The following RORA variants were observed in gnomAD, a reference collection of about 807,000 sequenced individuals.
The protein encoded by RORA is nuclear receptor ROR-alpha.
A neutral mutation model predicts 69.5 loss-of-function variants in RORA; 7 were observed. The ratio of observed to expected loss-of-function variants is 0.10; its 90% CI spans 0.06 to 0.19. The LOEUF (loss-of-function observed/expected upper bound fraction) is 0.19. Ranked by LOEUF, RORA falls within the 10% of genes least tolerant of loss-of-function variation. The pLI is 1.00. For missense variants in RORA, 457 were observed against 663.0 expected, an observed-to-expected ratio of 0.69 and a Z score of 3.41; for synonymous variants, 261 against 240.8, an observed-to-expected ratio of 1.08 and a Z score of -0.78.
At chr15:60,616,143 A>T (rs1346460656) in intron 2 of RORA, among the ~76,000 whole-genome samples, 1 of 152,246 alleles carries the variant, frequency 6.6e-6, no homozygotes, top group Non-Finnish European at 1.5e-5. Context: ...TAATGTATGC[A>T]TGCACAAACT....
chr15:61,177,855 G>T (rs1223500540), intron 1 of RORA, among the ~76,000 whole-genome samples: 1 of 151,746 alleles, frequency 6.6e-6, no homozygotes. Flanking sequence ...TCAGCTGCTC[G>T]GGAGGCTGAG....
At chr15:61,087,791 C>A (rs1046035818) in intron 1 of RORA, among the ~76,000 whole-genome samples, 1 of 152,214 alleles carries the variant, frequency 6.6e-6, no homozygotes, top group Admixed American at 6.5e-5. Context: ...TCTGCCATAA[C>A]CCTGTGGGAA....
At chr15:60,993,814 C>G (rs1698597734) in intron 1 of RORA, among the ~76,000 whole-genome samples, 1 of 152,070 alleles carries the variant, frequency 6.6e-6, no homozygotes. Flanking sequence ...TTCTTAGACA[C>G]CCACAAACAG....
intron 2 of RORA, among the ~76,000 whole-genome samples, chr15:60,560,477 T>G (rs1319107893): frequency 2.6e-5 from 4 of 152,078 alleles, no homozygotes; most frequent in African/African-American, 9.7e-5. Context: ...GAGGATCACT[T>G]GAGCTCAGGA....
intron 1 of RORA, among the ~76,000 whole-genome samples, chr15:60,793,107 C>G (rs1200546008): frequency 6.6e-6 from 1 of 151,872 alleles, no homozygotes. Context: ...AAAAAGTTAA[C>G]TTCTTGGTGT....
intron 1 of RORA, among the ~76,000 whole-genome samples, chr15:60,850,189 T>A (rs1284061139): frequency 6.6e-6 from 1 of 152,114 alleles, no homozygotes; most frequent in Non-Finnish European, 1.5e-5. Context: ...TCATTCTGCC[T>A]CTCACATGTT....
At chr15:60,555,379 C>T (rs111270725) in intron 2 of RORA, among the ~76,000 whole-genome samples, 31 of 152,238 alleles carry the variant, frequency 2.0e-4, no homozygotes, top group African/African-American at 7.5e-4. Flanking sequence ...GCACTCTCGA[C>T]ATATATTGGT....
chr15:61,121,086 G>GC (rs2079099388), intron 1 of RORA, among the ~76,000 whole-genome samples: 1 of 151,848 alleles, frequency 6.6e-6, no homozygotes, highest in East Asian at 2.0e-4. Flanking sequence ...CTGACCTCAG[G>GC]TGAACCACCC....
chr15:61,168,002 A>G (rs2079552339), intron 1 of RORA, among the ~76,000 whole-genome samples: 1 of 152,150 alleles, frequency 6.6e-6, no homozygotes, highest in Non-Finnish European at 1.5e-5. Flanking sequence ...AAACATCTGG[A>G]AACTTGCTCA....
chr15:60,916,419 G>C (rs1891874269), intron 1 of RORA, among the ~76,000 whole-genome samples: 1 of 152,162 alleles, frequency 6.6e-6, no homozygotes, highest in Admixed American at 6.5e-5. Flanking sequence ...ATGTGATTTA[G>C]CTGGTATTTC....
rs1243769375 is a variant in RORA, at chr15:60,897,751, G to T, written c.167-219065C>A. 3.3e-5 allele frequency among the ~76,000 whole-genome samples: 5 copies of T among 152,350 alleles called. No homozygotes were observed. In the South Asian group the frequency reaches 1.0e-3, roughly 32 times the overall value. ...AGATGAAACTTAAATGAAAGAGGATGAACCTGGAACATGTGCAGTGTGAAA... is the reference window on the plus strand; with the variant it reads ...AGATGAAACTTAAATGAAAGAGGATTAACCTGGAACATGTGCAGTGTGAAA... On this transcript the variant is annotated intron_variant, in intron 1 of 10. Transcript: ENST00000335670.
At chr15:60,858,325 A>G (rs1321558155) in intron 1 of RORA, among the ~76,000 whole-genome samples, 7 of 152,150 alleles carry the variant, frequency 4.6e-5, no homozygotes, top group Non-Finnish European at 1.0e-4. Context: ...AGTTTTTGTT[A>G]TTACTATTCC....
At chr15:60,872,462 A>G (rs1432191185) in intron 1 of RORA, among the ~76,000 whole-genome samples, 1 of 152,130 alleles carries the variant, frequency 6.6e-6, no homozygotes, top group Non-Finnish European at 1.5e-5. Flanking sequence ...TTCGAATGGT[A>G]CCTGAGAGAC....
At chr15:60,542,587 A>ACACACACGGCACGCATGCACACCT (rs1567073361) in intron 2 of RORA, among the ~76,000 whole-genome samples, 27 of 116,754 alleles carry the variant, frequency 2.3e-4, no homozygotes, top group African/African-American at 1.2e-3. Flanking sequence ...TGCACACCTC[A>ACACACACGGCACGCATGCACACCT]CACACACGGC....
rs1177678573 is a variant in RORA, at chr15:61,147,996, G to C, written c.166+81057C>G. ...CTTGAAACAAAGGGTGACAGAAACT[G>C]TTTTGCTTCCAGAAGGATCATTCTG... On this transcript the variant is annotated intron_variant, in intron 1 of 10. Coordinates refer to ENST00000335670, the MANE Select transcript of RORA (RefSeq NM_134261.3). This position sits in a 1 kb window ranked among gnomAD's most constrained non-coding sequence, Gnocchi z 4.1. 6.6e-6 allele frequency among the ~76,000 whole-genome samples: 1 copy of C among 152,178 alleles called. No individual in the cohort carries two copies. The highest frequency in any genetic ancestry group is 1.9e-4 in the East Asian group (1 of 5,198).
chr15:60,985,500 A>C (rs1397815407), intron 1 of RORA, among the ~76,000 whole-genome samples: 2 of 152,004 alleles, frequency 1.3e-5, no homozygotes, highest in Non-Finnish European at 2.9e-5. Flanking sequence ...TTCAAAAGCC[A>C]TAATTCTGTT....
intron 1 of RORA, among the ~76,000 whole-genome samples, chr15:61,173,582 C>T (rs573170904): frequency 6.6e-6 from 1 of 152,288 alleles, no homozygotes; most frequent in East Asian, 1.9e-4. Context: ...GCACAAAACA[C>T]CTAGTTAAAA....
chr15:61,151,439 T>C (rs1183643323), intron 1 of RORA, among the ~76,000 whole-genome samples: 1 of 152,220 alleles, frequency 6.6e-6, no homozygotes. Flanking sequence ...GAAAGATATG[T>C]CTAGAACAAA....
chr15:60,815,649 C>T (rs2072799213), intron 1 of RORA, among the ~76,000 whole-genome samples: 1 of 151,794 alleles, frequency 6.6e-6, no homozygotes, highest in African/African-American at 2.4e-5. Flanking sequence ...CACCATTGCC[C>T]ACCCTCCCTG....
Sources: allele counts gnomAD v4.1 joint callset (sites outside exome capture counted in the v4.1 genomes callset), GRCh38; gene constraint gnomAD v4.1.1; non-coding constraint Gnocchi (gnomAD v3.1); transcripts MANE v1.5; gene names NCBI Gene and HGNC (gene_info 2026-07-23, HGNC 2026-07-21).